The following KMT2C variants were observed in gnomAD, a reference collection of about 807,000 sequenced individuals.
The protein encoded by KMT2C is lysine methyltransferase 2C, also known as histone-lysine N-methyltransferase 2C.
In KMT2C, 88 loss-of-function variants were observed where a neutral mutation model predicts 507.9. That is an observed-to-expected ratio of 0.17 (90% CI 0.15 to 0.21). The LOEUF is 0.21. Among genes scored for constraint, KMT2C ranks in the 10% least tolerant of loss-of-function variants. The pLI, the probability that KMT2C is intolerant of heterozygous loss-of-function variation, is 1.00. For missense variants in KMT2C, 4,954 were observed against 5,957.8 expected (o/e 0.83, Z 5.55); for synonymous variants, 2,049 against 2,080.8 (o/e 0.98, Z 0.42).
In KMT2C at chr7:152,176,975, T is replaced by C. The variant is rs751042088; in HGVS notation, c.8478A>G (p.Val2826=). ...STVTNEVKTE[V]LSPNSKVESK... ...ATTCCACCTTAGAATTTGGAGACAG[T>C]ACTTCCGTTTTTACCTCATTGGTAA... Residue 2826 remains valine (V), a synonymous_variant, in exon 38 of 59, where the codon GTA becomes GTG. Coordinates refer to ENST00000262189, the MANE Select transcript of KMT2C (RefSeq NM_170606.3). 1.9e-6 allele frequency: 3 copies of C among 1,614,108 alleles called. No homozygotes were observed.
At chr7:152,391,845 C>T (rs569449975) in intron 1 of KMT2C, among the ~76,000 whole-genome samples, 12 of 152,230 alleles carry the variant, frequency 7.9e-5, no homozygotes, top group Admixed American at 5.9e-4. Flanking sequence ...GACTTTAAAG[C>T]TCCTCAAAAG....
chr7:152,284,045 A>G (rs2096260265), intron 6 of KMT2C, among the ~76,000 whole-genome samples: 1 of 152,158 alleles, frequency 6.6e-6, no homozygotes, highest in Admixed American at 6.5e-5. Context: ...ATTACTTTGA[A>G]ATTGAAACAA....
At chr7:152,269,221 C>T (rs903107727) in intron 7 of KMT2C, among the ~76,000 whole-genome samples, 1 of 152,316 alleles carries the variant, frequency 6.6e-6, no homozygotes, top group Non-Finnish European at 1.5e-5. Context: ...GATAACCTTG[C>T]TGTGTTCTTT....
At position 152,187,448 on chromosome 7, in the gene KMT2C, C is replaced by A. The variant is rs373324829; in HGVS notation, c.4822G>T (p.Ala1608Ser). 1 of 1,613,734 alleles carries A rather than the reference C, an allele frequency of 6.2e-7. No individual in the cohort carries two copies. The change falls in exon 33 of 59, where the codon GCA becomes TCA. Residue 1608 changes from alanine to serine, a missense_variant. This residue lies in a region of KMT2C where 195 missense variants were observed against 183.7 expected (regional missense o/e 1.06). Transcript: ENST00000262189. Reference protein sequence around the residue: ...RDKNSAFNPMASDPNNSWTSS... With the variant: ...RDKNSAFNPMSSDPNNSWTSS... ...GTCCAAGAGTTGTTAGGATCACTTG[C>A]CATTGGATTAAAGGCTGAATTTTTA... is the stretch of plus-strand genomic sequence containing the variant.
chr7:152,381,116 GTCA>G (rs1282246952), intron 1 of KMT2C, among the ~76,000 whole-genome samples: 1 of 152,140 alleles, frequency 6.6e-6, no homozygotes, highest in East Asian at 1.9e-4. Flanking sequence ...TGAGTGGTCA[GTCA>G]TCAAGTTTTG....
intron 6 of KMT2C, among the ~76,000 whole-genome samples, chr7:152,297,040 A>AGAAAGAAAGAAAGAAAGAAC: frequency 9.8e-6 from 1 of 101,902 alleles, no homozygotes; most frequent in African/African-American, 4.7e-5. Flanking sequence ...AAAGAAAGAA[A>AGAAAGAAAGAAAGAAAGAAC]GAAAGAAAGA....
chr7:152,428,663 A>C (rs192761177), intron 1 of KMT2C, among the ~76,000 whole-genome samples: 2 of 151,900 alleles, frequency 1.3e-5, no homozygotes, highest in East Asian at 3.9e-4. Context: ...TAAAAATCCA[A>C]ATTTCCGCCC....
At chr7:152,236,223 C>T (rs543286398) in intron 15 of KMT2C, among the ~76,000 whole-genome samples, 99 of 152,316 alleles carry the variant, frequency 6.5e-4, no homozygotes, top group African/African-American at 2.3e-3. Context: ...TTCTTGGTGA[C>T]GACAACAACT....
At chr7:152,426,007 A>C (rs1345686667) in intron 1 of KMT2C, among the ~76,000 whole-genome samples, 1 of 152,170 alleles carries the variant, frequency 6.6e-6, no homozygotes, top group Non-Finnish European at 1.5e-5. Context: ...AGTTTGAGCA[A>C]TAAAAAACTT....
At chr7:152,288,530 C>A (rs901678557) in intron 6 of KMT2C, among the ~76,000 whole-genome samples, 21 of 150,986 alleles carry the variant, frequency 1.4e-4, no homozygotes, top group African/African-American at 4.9e-4. Flanking sequence ...AAAACTCTGA[C>A]AATAAATAAA....
chr7:152,263,990 G>A (rs2095822041), intron 8 of KMT2C, among the ~76,000 whole-genome samples: 1 of 152,130 alleles, frequency 6.6e-6, no homozygotes, highest in South Asian at 2.1e-4. Context: ...GGGTCAGTTA[G>A]CCTCCAATTA....
intron 1 of KMT2C, among the ~76,000 whole-genome samples, chr7:152,384,582 C>T (rs796207293): frequency 4.3e-4 from 62 of 143,730 alleles, no homozygotes; most frequent in South Asian, 6.7e-4. Context: ...CCACCACCAC[C>T]ACCACCACCA....
chr7:152,368,590 C>G, intron 1 of KMT2C: 3 of 1,419,580 alleles, frequency 2.1e-6, no homozygotes, highest in Non-Finnish European at 2.9e-6. Context: ...CTGGGAAGCT[C>G]AACAACATAT....
intron 23 of KMT2C, among the ~76,000 whole-genome samples, chr7:152,219,363 A>G (rs2094692431): frequency 6.6e-6 from 1 of 152,322 alleles, no homozygotes; most frequent in Non-Finnish European, 1.5e-5. Flanking sequence ...ACCTAACATT[A>G]AAATATAAAC....
At chr7:152,376,262 T>C (rs183312745) in intron 1 of KMT2C, among the ~76,000 whole-genome samples, 165 of 152,270 alleles carry the variant, frequency 1.1e-3, no homozygotes, top group African/African-American at 3.7e-3. Flanking sequence ...CACAACCATA[T>C]TGAAATTAGG....
In KMT2C at chr7:152,175,404, G is replaced by A. The variant is rs2093157863; in HGVS notation, c.9262+787C>T. ...TACATAGGTATACATATGTCATGGT[G>A]GTTTGCTGCACCCATCAACCCGTCA... On this transcript the variant is annotated intron_variant, in intron 38 of 58. Coordinates refer to ENST00000262189, the MANE Select transcript of KMT2C (RefSeq NM_170606.3). Among the ~76,000 whole-genome samples, 6 of 151,922 alleles carry A rather than the reference G, an allele frequency of 3.9e-5. No homozygotes were observed. The South Asian group carries it at 1.3e-3, about 32-fold the overall frequency.
intron 42 of KMT2C, 53 bp from the exon 43 acceptor site, chr7:152,163,879 G>T: frequency 6.6e-7 from 1 of 1,523,398 alleles, no homozygotes; most frequent in African/African-American, 1.4e-5. Context: ...AGGTACTGAA[G>T]TAAAACACTG....
intron 2 of KMT2C, among the ~76,000 whole-genome samples, chr7:152,341,937 T>C (rs2129220194): frequency 6.6e-6 from 1 of 152,308 alleles, no homozygotes; most frequent in South Asian, 2.1e-4. Context: ...AAAGTTTCTA[T>C]TCTTGTAAAT....
chr7:152,338,139 T>G (rs1589282494), intron 2 of KMT2C, among the ~76,000 whole-genome samples: 1 of 152,232 alleles, frequency 6.6e-6, no homozygotes, highest in African/African-American at 2.4e-5. Context: ...ATTACAGGCA[T>G]GAGCCACCGT....
Sources: gnomAD v4.1 joint callset for allele counts (sites outside exome capture counted in the v4.1 genomes callset) on GRCh38, gnomAD v4.1.1 for gene constraint, gnomAD v4.1.1 regional missense constraint, MANE v1.5 for transcripts, NCBI Gene and HGNC (gene_info 2026-07-23, HGNC 2026-07-21) for gene names.